The following STAB2 variants were observed in gnomAD, a reference collection of about 807,000 sequenced individuals.
The protein encoded by STAB2 is stabilin-2.
Under a neutral mutation model 338.1 loss-of-function variants are expected in STAB2, and 288 were observed. That is an observed-to-expected ratio of 0.85 (90% CI 0.77 to 0.94). STAB2 has a LOEUF of 0.94. Ranked by LOEUF, STAB2 falls within the 40% of genes least tolerant of loss-of-function variation. The pLI is 0.00. For synonymous variants in STAB2, 1,202 were observed against 1,193.3 expected (o/e 1.01, Z -0.15); for missense variants, 3,141 against 3,210.1 (o/e 0.98, Z 0.52).
chr12:103,647,107 G>T (rs1395429548), intron 9 of STAB2, among the ~76,000 whole-genome samples: 3 of 152,364 alleles, frequency 2.0e-5, no homozygotes, highest in South Asian at 4.1e-4. Flanking sequence ...AAAGGAGTCA[G>T]TGAGGGTTTT....
Position 103,741,455 on chromosome 12 carries a change from C to T in STAB2, c.5881+699C>T, listed in dbSNP as rs571634421. On this transcript the variant is annotated intron_variant, in intron 55 of 68. Coordinates refer to ENST00000388887, the MANE Select transcript of STAB2 (RefSeq NM_017564.10). ...GTAGGTTCCATTGTTGTCTTCCCCT[C>T]CCCACTGACTTTTTTTGAGAGAGGG... is the stretch of plus-strand genomic sequence containing the variant. 2.0e-5 allele frequency among the ~76,000 whole-genome samples: 3 copies of T among 152,208 alleles called. No individual in the cohort carries two copies. The South Asian group carries it at 6.2e-4, about 32-fold the overall frequency.
rs1185140699 is a variant in STAB2 at position 103,745,083 on chromosome 12, A to G, written c.6032-90A>G. ...GTGACATAAGCATGGTGCCTCCCAC[A>G]ACTGAAAATGCATAGCAAACAAGGG... On this transcript the variant is annotated intron_variant, in intron 56 of 68. Coordinates refer to ENST00000388887, the MANE Select transcript of STAB2 (RefSeq NM_017564.10). 4.1e-5 allele frequency: 46 copies of G among 1,133,346 alleles called. No individual in the cohort carries two copies. The South Asian group carries it at 7.3e-4, about 18-fold the overall frequency. 70.2% of individuals were successfully genotyped at this position (1,133,346 alleles called of 1,614,324 possible).
At chr12:103,708,572 T>C in intron 39 of STAB2, 36 bp downstream of exon 39, 1 of 1,588,478 alleles carries the variant, frequency 6.3e-7, no homozygotes, top group Non-Finnish European at 8.6e-7. Context: ...TAATCTGCTC[T>C]AAGCTTTGCT....
At chr12:103,694,329 A>G (rs756966458) in intron 31 of STAB2, among the ~76,000 whole-genome samples, 2 of 152,120 alleles carry the variant, frequency 1.3e-5, no homozygotes, top group African/African-American at 4.8e-5. Context: ...CCTTCTCCTC[A>G]TAGCTCTTGA....
chr12:103,743,072 G>A (rs1022230962), intron 56 of STAB2, among the ~76,000 whole-genome samples: 1 of 144,810 alleles, frequency 6.9e-6, no homozygotes, highest in Non-Finnish European at 1.5e-5. Context: ...GCCCAGGCTG[G>A]AGTGCAATGG....
chr12:103,754,937 C>T (rs1030769846), intron 61 of STAB2, among the ~76,000 whole-genome samples: 5 of 144,630 alleles, frequency 3.5e-5, no homozygotes, highest in African/African-American at 1.4e-4. Flanking sequence ...CAGAGCAAGA[C>T]TCCACCTCAA....
Position 103,587,518 on chromosome 12 carries a change from T to C in STAB2, c.42T>C (p.Val14=), listed in dbSNP as rs749725393. 6.2e-6 allele frequency: 10 copies of C among 1,614,034 alleles called. No homozygotes were observed. Among genetic ancestry groups the C allele is most frequent in the African/African-American group, 4.0e-5 (3 of 74,940 alleles). ...TAGTAATTTTTTGTCTTGGATTGGTTGTACAAAATTTCTGCTCCCCAGCTG... is the reference window on the plus strand; with the variant it reads ...TAGTAATTTTTTGTCTTGGATTGGTCGTACAAAATTTCTGCTCCCCAGCTG... ...QHLVIFCLGL[V]VQNFCSPAET... is the part of the protein sequence containing the mutation. The change falls in exon 1 of 69, where the codon GTT becomes GTC. Residue 14 remains valine, a synonymous_variant. Coordinates refer to ENST00000388887, the MANE Select transcript of STAB2 (RefSeq NM_017564.10).
chr12:103,620,527 G>C lies in STAB2; in HGVS notation c.391G>C (p.Glu131Gln), dbSNP rs1288548976. The change falls in exon 4 of 69, where the codon GAA becomes CAA. Residue 131 changes from glutamate to glutamine, a missense_variant. Coordinates refer to ENST00000388887, the MANE Select transcript of STAB2 (RefSeq NM_017564.10). ...CAGAGGCAGTTGTGCTGAAGGCATG[G>C]AAGGAAATGGAACCTGCTCCTGCCA... ...NGRGSCAEGMEGNGTCSCQEG... is the reference protein window; with the variant it reads ...NGRGSCAEGMQGNGTCSCQEG... 1 of 1,575,376 alleles carries C rather than the reference G, an allele frequency of 6.3e-7. No homozygotes were observed.
At chr12:103,717,940 G>C (rs1165825691) in intron 44 of STAB2, 99 bp downstream of exon 44, 1 of 1,186,656 alleles carries the variant, frequency 8.4e-7, no homozygotes, top group Non-Finnish European at 1.2e-6. Context: ...CTCTTCCTCT[G>C]GAGGCCTCAG....
chr12:103,740,870 A>AG, intron 55 of STAB2, 114 bp downstream of exon 55: 2 of 1,375,042 alleles, frequency 1.5e-6, no homozygotes, highest in Non-Finnish European at 1.9e-6. Flanking sequence ...ACTGCTAATA[A>AG]TGATTCCCAG....
At chr12:103,670,908 C>A in intron 22 of STAB2, 101 bp downstream of exon 22, 1 of 924,528 alleles carries the variant, frequency 1.1e-6, no homozygotes. Flanking sequence ...GACCCCTTTG[C>A]TTGGGTTACA....
chr12:103,732,900 G>A (rs996571785), intron 50 of STAB2, 106 bp from the exon 51 acceptor site: 5 of 1,385,688 alleles, frequency 3.6e-6, no homozygotes, highest in East Asian at 4.7e-5. Context: ...CAGAGTCCCA[G>A]TAAGCCACGG....
At chr12:103,635,410 G>T (rs987448121) in intron 6 of STAB2, among the ~76,000 whole-genome samples, 3 of 152,286 alleles carry the variant, frequency 2.0e-5, no homozygotes, top group Non-Finnish European at 2.9e-5. Flanking sequence ...CACTCACCAG[G>T]CTCCCGAAAA....
At chr12:103,746,949 C>CTT (rs370851005) in intron 58 of STAB2, among the ~76,000 whole-genome samples, 2 of 96,074 alleles carry the variant, frequency 2.1e-5, no homozygotes, top group Non-Finnish European at 4.2e-5. Context: ...GTTTTTCTTT[C>CTT]TTTTTTTTTT....
Position 103,702,338 on chromosome 12 carries a change from C to CCGGACTG in STAB2, c.3715-801_3715-795dup, listed in dbSNP as rs1391658798. ...ACGGAGTCTCGCTCTGTCGCCCAGGCCGGACTGCGGACTGCAGTGGTGCGA... is the reference window on the plus strand; with the variant it reads ...ACGGAGTCTCGCTCTGTCGCCCAGGCCGGACTGCGGACTGCGGACTGCAGTGGTGCGA... On this transcript the variant is annotated intron_variant, in intron 34 of 68. Coordinates refer to ENST00000388887, the MANE Select transcript of STAB2 (RefSeq NM_017564.10). Among the ~76,000 whole-genome samples the CCGGACTG allele has an allele frequency of 1.2e-4, 18 of 150,146 alleles. No individual in the cohort carries two copies. In the East Asian group the frequency reaches 3.1e-3, roughly 26 times the overall value.
At chr12:103,603,585 T>C (rs1211033928) in intron 3 of STAB2, among the ~76,000 whole-genome samples, 2 of 152,234 alleles carry the variant, frequency 1.3e-5, no homozygotes, top group Non-Finnish European at 2.9e-5. Flanking sequence ...TGTCTATCCT[T>C]CCATGAATAC....
rs1010886478 is a variant in STAB2, at chr12:103,761,320, T to C, written c.7269T>C (p.Asp2423=). The C allele has an allele frequency of 1.2e-5, 20 of 1,613,986 alleles. No homozygotes were observed. The highest frequency in any genetic ancestry group is 1.5e-5 in the Non-Finnish European group (18 of 1,180,016). Residue 2423 remains aspartate, a synonymous_variant, in exon 66 of 69, where the codon GAT becomes GAC. Transcript: ENST00000388887. ...CCTAGACGGAGACCAGGTTTGTTGA[T>C]GGAAGAGCCATTCTGCAGTGGGACA... ...PLQPTETRFV[D]GRAILQWDIF... is the part of the protein sequence containing the mutation.
chr12:103,652,004 G>A (rs1031778613), intron 11 of STAB2, among the ~76,000 whole-genome samples: 7 of 152,194 alleles, frequency 4.6e-5, no homozygotes, highest in African/African-American at 9.6e-5. Context: ...CACTTTGCAC[G>A]TGGTCTCTCA....
chr12:103,720,202 A>G (rs187466025), intron 44 of STAB2, among the ~76,000 whole-genome samples: 1 of 152,192 alleles, frequency 6.6e-6, no homozygotes, highest in African/African-American at 2.4e-5. Context: ...CAATTCTTCC[A>G]TGGGCCATTC....
Sources: allele counts gnomAD v4.1 joint callset (sites outside exome capture counted in the v4.1 genomes callset), GRCh38; gene constraint gnomAD v4.1.1; transcripts MANE v1.5; gene names NCBI Gene and HGNC (gene_info 2026-07-23, HGNC 2026-07-21).